Variants in GRIA1 observed in about 807,000 individuals in gnomAD.
The protein encoded by GRIA1 is glutamate ionotropic receptor AMPA type subunit 1, also known as glutamate receptor 1.
GRIA1 carries 31 observed loss-of-function variants against 99.2 expected under a neutral mutation model. The ratio of observed to expected loss-of-function variants is 0.31; its 90% CI spans 0.23 to 0.42. The LOEUF (loss-of-function observed/expected upper bound fraction) is 0.42. GRIA1 is among the 10% of genes least tolerant of loss of function. GRIA1 has a pLI of 1.00. For synonymous variants in GRIA1, 438 were observed against 432.4 expected, an observed-to-expected ratio of 1.01 and a Z score of -0.16; for missense variants, 782 against 1,157.5, an observed-to-expected ratio of 0.68 and a Z score of 4.71.
intron 1 of GRIA1, among the ~76,000 whole-genome samples, chr5:153,492,529 C>A (rs1389591408): frequency 6.6e-6 from 1 of 152,044 alleles, no homozygotes; most frequent in Non-Finnish European, 1.5e-5. Flanking sequence ...TGTTTTCATT[C>A]TTTAAAATGG....
chr5:153,521,265 C>A (rs1404253563), intron 2 of GRIA1, among the ~76,000 whole-genome samples: 1 of 152,214 alleles, frequency 6.6e-6, no homozygotes, highest in Admixed American at 6.5e-5. Flanking sequence ...TCAGTGTGAA[C>A]TTTCAGGAAG....
chr5:153,692,799 G>A (rs1561773526), intron 8 of GRIA1, among the ~76,000 whole-genome samples: 1 of 152,096 alleles, frequency 6.6e-6, no homozygotes, highest in Non-Finnish European at 1.5e-5. Flanking sequence ...ACAAATAAAA[G>A]GTTGTTTATT....
chr5:153,666,935 A>G (rs1477394011), intron 5 of GRIA1, among the ~76,000 whole-genome samples: 1 of 152,180 alleles, frequency 6.6e-6, no homozygotes, highest in Non-Finnish European at 1.5e-5. Context: ...TGGGACTCAA[A>G]TACATCCTTC....
At chr5:153,572,877 G>A (rs72802612) in intron 2 of GRIA1, among the ~76,000 whole-genome samples, 7,644 of 152,308 alleles carry the variant, frequency 0.05, 267 homozygotes, top group Non-Finnish European at 0.076. Flanking sequence ...CTATTGTGGC[G>A]TTGGCATGGG....
At chr5:153,577,488 C>A (rs1171153982) in intron 2 of GRIA1, among the ~76,000 whole-genome samples, 2 of 152,238 alleles carry the variant, frequency 1.3e-5, no homozygotes, top group East Asian at 3.9e-4. Context: ...CCTTTTGTAC[C>A]CTGTGTAGAT....
At chr5:153,490,317 G>T, upstream of GRIA1, 1 of 168,982 alleles carries the variant, frequency 5.9e-6, no homozygotes, top group Non-Finnish European at 1.3e-5. Context: ...TGGGGGCTGG[G>T]GGAGCGGGCA....
At chr5:153,560,918 T>C (rs960431956) in intron 2 of GRIA1, among the ~76,000 whole-genome samples, 1 of 152,198 alleles carries the variant, frequency 6.6e-6, no homozygotes, top group African/African-American at 2.4e-5. Context: ...GAGTCACAAG[T>C]CAAAGCTTCA....
chr5:153,765,137 A>C (rs1475298749), intron 12 of GRIA1, among the ~76,000 whole-genome samples: 1 of 152,076 alleles, frequency 6.6e-6, no homozygotes, highest in Non-Finnish European at 1.5e-5. Flanking sequence ...AGAAAATGTG[A>C]AGTGGGAGTG....
intron 10 of GRIA1, among the ~76,000 whole-genome samples, chr5:153,704,969 A>T (rs1019569036): frequency 1.3e-5 from 2 of 152,194 alleles, no homozygotes; most frequent in Admixed American, 1.3e-4. Flanking sequence ...GTGTTCAATA[A>T]ATATCTATTG....
chr5:153,738,605 T>G (rs1761553085), intron 11 of GRIA1, among the ~76,000 whole-genome samples: 1 of 152,082 alleles, frequency 6.6e-6, no homozygotes, highest in South Asian at 2.1e-4. Context: ...AAATTCTACC[T>G]CCTGATTCCA....
At chr5:153,797,808 G>A (rs952889411) in intron 14 of GRIA1, among the ~76,000 whole-genome samples, 1 of 152,192 alleles carries the variant, frequency 6.6e-6, no homozygotes, top group Non-Finnish European at 1.5e-5. Context: ...CTGATTATTA[G>A]AACAATGGGC....
At chr5:153,736,586 A>C (rs1581567945) in intron 11 of GRIA1, among the ~76,000 whole-genome samples, 1 of 152,196 alleles carries the variant, frequency 6.6e-6, no homozygotes, top group Non-Finnish European at 1.5e-5. Context: ...GGGGTAGCTG[A>C]ACCCAGAACT....
At chr5:153,562,791 A>G (rs1761250378) in intron 2 of GRIA1, among the ~76,000 whole-genome samples, 1 of 152,224 alleles carries the variant, frequency 6.6e-6, no homozygotes, top group South Asian at 2.1e-4. Flanking sequence ...TATTGGACAC[A>G]CATATGACTA....
intron 2 of GRIA1, among the ~76,000 whole-genome samples, chr5:153,503,067 T>C (rs942428545): frequency 5.9e-5 from 9 of 152,230 alleles, no homozygotes; most frequent in Admixed American, 1.3e-4. Flanking sequence ...AAAAGCCCAC[T>C]GTACATATGT....
intron 2 of GRIA1, among the ~76,000 whole-genome samples, chr5:153,595,892 G>A (rs1764387913): frequency 6.6e-6 from 1 of 151,768 alleles, no homozygotes; most frequent in Non-Finnish European, 1.5e-5. Flanking sequence ...TACTTCTTTG[G>A]CTAACTTAGT....
Position 153,811,714 on chromosome 5 carries a change from A to G in GRIA1, c.*489A>G, listed in dbSNP as rs1021542616. On this transcript the variant is annotated 3_prime_UTR_variant, in exon 16 of 16. Transcript: ENST00000285900. The stretch of plus-strand genomic sequence containing the variant: ...TCAGTTTTCAGATTGGAGATTCAAG[A>G]TTTGTTCCACTTTACAAGCAAGAGG... The G allele has an allele frequency of 7.8e-5, 12 of 154,552 alleles. No individual in the cohort carries two copies. The highest frequency in any genetic ancestry group is 2.7e-4 in the African/African-American group (11 of 41,398). The allele number at this position is 154,552 out of a possible 1,614,324, so 9.6% of individuals were successfully genotyped here.
chr5:153,676,080 A>G (rs973087192), intron 6 of GRIA1, among the ~76,000 whole-genome samples: 3 of 152,088 alleles, frequency 2.0e-5, no homozygotes, highest in Admixed American at 6.5e-5. Context: ...GATGGTCTTG[A>G]TCTCCTGACC....
At chr5:153,555,990 T>G (rs1269885205) in intron 2 of GRIA1, among the ~76,000 whole-genome samples, 1 of 152,254 alleles carries the variant, frequency 6.6e-6, no homozygotes, top group Admixed American at 6.5e-5. Context: ...CATTAAAAGA[T>G]TGCACTGTGT....
At chr5:153,799,948 T>A (rs1286670637) in intron 14 of GRIA1, among the ~76,000 whole-genome samples, 1 of 152,160 alleles carries the variant, frequency 6.6e-6, no homozygotes, top group Admixed American at 6.5e-5. Context: ...ATGCTCCTCC[T>A]TGTAAACCAG....
Sources: gnomAD v4.1 joint callset for allele counts (sites outside exome capture counted in the v4.1 genomes callset) on GRCh38, gnomAD v4.1.1 for gene constraint, MANE v1.5 for transcripts, NCBI Gene and HGNC (gene_info 2026-07-23, HGNC 2026-07-21) for gene names.